Variants in SNX18 observed in about 807,000 individuals in gnomAD.
SNX18 encodes the protein sorting nexin 18.
SNX18 carries 35 observed loss-of-function variants against 48.7 expected under a neutral mutation model. The ratio of observed to expected loss-of-function variants is 0.72; its 90% CI spans 0.55 to 0.95. The LOEUF (loss-of-function observed/expected upper bound fraction) is 0.95. Among genes scored for constraint, SNX18 ranks in the 40% least tolerant of loss-of-function variants. The pLI is 0.00. For missense variants in SNX18, 824 were observed against 871.0 expected (o/e 0.95, Z 0.68); for synonymous variants, 492 against 384.7 (o/e 1.28, Z -3.26).
At chr5:54,539,699 T>G (rs1580107952) in intron 1 of SNX18, among the ~76,000 whole-genome samples, 1 of 152,280 alleles carries the variant, frequency 6.6e-6, no homozygotes, top group Non-Finnish European at 1.5e-5. Context: ...TGCCAGCCTT[T>G]CCATAAATGT....
intron 1 of SNX18, among the ~76,000 whole-genome samples, chr5:54,528,661 C>T (rs1044696230): frequency 1.3e-5 from 2 of 152,106 alleles, no homozygotes; most frequent in Admixed American, 6.6e-5. Context: ...GTCACTGTAC[C>T]GTATGACACA....
At chr5:54,615,817 T>A in the SNX18 span, among the ~76,000 whole-genome samples, 5 of 152,354 alleles carry the variant, frequency 3.3e-5, no homozygotes, top group Non-Finnish European at 7.3e-5. Context: ...ACAGTTCATG[T>A]CAGAATTGTT....
chr5:54,646,099 G>A, the SNX18 span: 1 of 137,718 alleles, frequency 7.3e-6, no homozygotes, highest in Admixed American at 7.6e-5. Context: ...CTTGGCGAAA[G>A]AAACTGACAA....
chr5:54,635,741 T>G, the SNX18 span, among the ~76,000 whole-genome samples: 1 of 152,188 alleles, frequency 6.6e-6, no homozygotes, highest in Non-Finnish European at 1.5e-5. Flanking sequence ...GTACAACCTG[T>G]GTACAGGGCC....
chr5:54,526,205 A>G (rs1035311727), intron 1 of SNX18, among the ~76,000 whole-genome samples: 1 of 152,142 alleles, frequency 6.6e-6, no homozygotes, highest in East Asian at 1.9e-4. Context: ...CGCGAGTTCA[A>G]ATGATTCTCC....
At chr5:54,526,225 C>T (rs915386136) in intron 1 of SNX18, among the ~76,000 whole-genome samples, 4 of 152,078 alleles carry the variant, frequency 2.6e-5, no homozygotes, top group Admixed American at 6.5e-5. Flanking sequence ...CTGCCTCAGC[C>T]GCCCGAGTAA....
chr5:54,554,883 CTG>C, the SNX18 span, among the ~76,000 whole-genome samples: 2 of 152,146 alleles, frequency 1.3e-5, no homozygotes, highest in South Asian at 4.1e-4. Context: ...TCCTGAGACT[CTG>C]GGCAGATTCC....
the SNX18 span, among the ~76,000 whole-genome samples, chr5:54,596,182 T>C: frequency 4.6e-5 from 7 of 152,264 alleles, no homozygotes; most frequent in Admixed American, 2.6e-4. Context: ...AAAATGCAAA[T>C]ATCTGTGACA....
the SNX18 span, among the ~76,000 whole-genome samples, chr5:54,579,935 A>AAT: frequency 1.3e-5 from 2 of 152,324 alleles, no homozygotes; most frequent in South Asian, 4.1e-4. Context: ...TCTTGGGTAC[A>AAT]ATATATGCAA....
At chr5:54,640,986 G>A in the SNX18 span, among the ~76,000 whole-genome samples, 1 of 152,150 alleles carries the variant, frequency 6.6e-6, no homozygotes, top group Non-Finnish European at 1.5e-5. Context: ...CTTGAATGTG[G>A]GAGGTGGAGA....
At chr5:54,577,494 G>A in the SNX18 span, among the ~76,000 whole-genome samples, 1 of 152,076 alleles carries the variant, frequency 6.6e-6, no homozygotes, top group South Asian at 2.1e-4. Flanking sequence ...TTTGCTTTTG[G>A]TAAGGGCTTA....
At chr5:54,582,601 T>TA in the SNX18 span, among the ~76,000 whole-genome samples, 14 of 151,294 alleles carry the variant, frequency 9.3e-5, no homozygotes, top group South Asian at 2.1e-4. Flanking sequence ...TCCGTTCTAC[T>TA]AAAAAAAACC....
rs375416758 is a variant in SNX18 at position 54,541,972 on chromosome 5, A to G, written c.1622-1207A>G. Among the ~76,000 whole-genome samples the G allele has an allele frequency of 9.0e-4, 137 of 152,002 alleles. No homozygotes were observed. In the South Asian group the frequency reaches 0.027, roughly 30 times the overall value. ...TCTCTCAGTTTCTGTACCTCCTCCT[A>G]CTCAAGGTTCCTGGTTCCCTCCTCA... On this transcript the variant is annotated intron_variant, in intron 1 of 1. Transcript: ENST00000381410.
At chr5:54,563,139 A>T in the SNX18 span, among the ~76,000 whole-genome samples, 3 of 152,260 alleles carry the variant, frequency 2.0e-5, no homozygotes, top group East Asian at 1.9e-4. Context: ...AAAGTAAAAA[A>T]GTTACAGTAA....
At chr5:54,561,178 G>A in the SNX18 span, among the ~76,000 whole-genome samples, 2 of 152,106 alleles carry the variant, frequency 1.3e-5, no homozygotes, top group Non-Finnish European at 2.9e-5. Flanking sequence ...AAGTAGCTGG[G>A]ATTACAGGCC....
chr5:54,529,070 G>C (rs562695095), intron 1 of SNX18, among the ~76,000 whole-genome samples: 1 of 152,346 alleles, frequency 6.6e-6, no homozygotes, highest in East Asian at 1.9e-4. Flanking sequence ...GGCCAGGCCT[G>C]CACTTAAGAT....
chr5:54,575,907 T>C, the SNX18 span, among the ~76,000 whole-genome samples: 1 of 152,224 alleles, frequency 6.6e-6, no homozygotes, highest in Non-Finnish European at 1.5e-5. Context: ...TGTCTTCTTA[T>C]TTCTTCATAA....
chr5:54,615,146 A>T, the SNX18 span, among the ~76,000 whole-genome samples: 2 of 152,298 alleles, frequency 1.3e-5, no homozygotes, highest in East Asian at 3.9e-4. Flanking sequence ...TGTGGGATCC[A>T]TTTTGGTCTA....
At chr5:54,561,403 C>T in the SNX18 span, among the ~76,000 whole-genome samples, 2 of 151,752 alleles carry the variant, frequency 1.3e-5, no homozygotes, top group Non-Finnish European at 2.9e-5. Context: ...GTCTGGGGTG[C>T]AGTGGCTTAC....
Sources: gnomAD v4.1 joint callset for allele counts (sites outside exome capture counted in the v4.1 genomes callset) on GRCh38, gnomAD v4.1.1 for gene constraint, MANE v1.5 for transcripts, NCBI Gene and HGNC (gene_info 2026-07-23, HGNC 2026-07-21) for gene names.